TFR2: variants seen among roughly 807,000 people sequenced by gnomAD.
The protein encoded by TFR2 is transferrin receptor protein 2.
Under a neutral mutation model 91.9 loss-of-function variants are expected in TFR2, and 64 were observed. The ratio of observed to expected loss-of-function variants is 0.70; its 90% CI spans 0.57 to 0.86. TFR2 has a LOEUF of 0.86. TFR2 is among the 40% of genes least tolerant of loss of function. The pLI is 0.00. For synonymous variants in TFR2, 454 were observed against 459.6 expected (o/e 0.99, Z 0.15); for missense variants, 950 against 1,080.5 (o/e 0.88, Z 1.69).
chr7:100,629,117 T>C, intron 10 of TFR2, 136 bp downstream of exon 10: 1 of 1,182,366 alleles, frequency 8.5e-7, no homozygotes, highest in Non-Finnish European at 1.2e-6. Flanking sequence ...CCAGGGCCAC[T>C]CAGGTACAAT....
intron 17 of TFR2, among the ~76,000 whole-genome samples, chr7:100,624,721 G>A (rs1322735378): frequency 6.6e-6 from 1 of 151,992 alleles, no homozygotes; most frequent in African/African-American, 2.4e-5. Flanking sequence ...TTAAAAATTA[G>A]CGGAGTGTGG....
chr7:100,639,804 A>C (rs1220958951), intron 3 of TFR2: 2 of 67,430 alleles, frequency 3.0e-5, no homozygotes, highest in Non-Finnish European at 5.8e-5. Context: ...TTTTTTTTTG[A>C]GATGGAGTCT....
At chr7:100,625,472 C>A (rs1266385710) in intron 17 of TFR2, among the ~76,000 whole-genome samples, 2 of 152,224 alleles carry the variant, frequency 1.3e-5, no homozygotes, top group African/African-American at 4.8e-5. Flanking sequence ...TGAGGTTAAA[C>A]CAAGATCTGT....
At chr7:100,638,321 C>T (rs977283682) in intron 3 of TFR2, among the ~76,000 whole-genome samples, 9 of 150,846 alleles carry the variant, frequency 6.0e-5, no homozygotes, top group Non-Finnish European at 1.0e-4. Flanking sequence ...AATTTAAAAG[C>T]CCTGAGCAGG....
chr7:100,633,645 G>A, intron 3 of TFR2, 89 bp from the exon 4 acceptor site: 1 of 1,486,730 alleles, frequency 6.7e-7, no homozygotes, highest in Non-Finnish European at 8.9e-7. Context: ...GTCGCCAGGG[G>A]CAGGGGCGGC....
Position 100,627,501 on chromosome 7 carries a change from C to A in TFR2, c.1768-10G>T. The A allele has an allele frequency of 6.2e-7, 1 of 1,613,044 alleles. No individual in the cohort carries two copies. The highest frequency in any genetic ancestry group is 8.5e-7 in the Non-Finnish European group (1 of 1,179,518). ...GGTAGGCCTGGTCGTCCTGCCAGGA[C>A]AGGGTGGACGCTGGGGCGGAGGCAG... On this transcript the variant is annotated splice_polypyrimidine_tract_variant and intron_variant, in intron 15 of 17. Transcript: ENST00000223051.
chr7:100,640,994 G>A lies in TFR2; in HGVS notation c.268C>T (p.Leu90=). 6.2e-7 allele frequency: 1 copy of A among 1,608,058 alleles called. No homozygotes were observed. ...CTCTCACCCCCAGTGAAGATCAGCA[G>A]GGCCGTCAGGACCAGGTAGGGGGCA... The part of the protein sequence containing the change: ...RAAPYLVLTA[L]LIFTGAFLLG... The change falls in exon 2 of 18, where the codon CTG becomes TTG. Residue 90 remains leucine (L), a synonymous_variant. Coordinates refer to ENST00000223051, the MANE Select transcript of TFR2 (RefSeq NM_003227.4).
At chr7:100,631,481 G>T in intron 8 of TFR2, 1 of 313,902 alleles carries the variant, frequency 3.2e-6, no homozygotes, top group South Asian at 2.8e-5. Context: ...AAATTAGCCG[G>T]GCGTGGTGGG....
chr7:100,638,564 A>G (rs977335707), intron 3 of TFR2, among the ~76,000 whole-genome samples: 2 of 151,734 alleles, frequency 1.3e-5, no homozygotes, highest in Non-Finnish European at 2.9e-5. Flanking sequence ...AGTCTGCCCA[A>G]CATGGTGAAA....
intron 3 of TFR2, among the ~76,000 whole-genome samples, chr7:100,636,062 C>A (rs1166563482): frequency 6.6e-6 from 1 of 152,082 alleles, no homozygotes; most frequent in East Asian, 1.9e-4. Context: ...TAGCTTAGTA[C>A]CTGCCACGTA....
chr7:100,631,155 G>A, intron 8 of TFR2, 103 bp from the exon 9 acceptor site: 1 of 1,325,022 alleles, frequency 7.5e-7, no homozygotes, highest in Non-Finnish European at 1.0e-6. Context: ...TCTGGCTCCA[G>A]ATCGCTGCCT....
intron 1 of TFR2, 39 bp from the exon 2 acceptor site, chr7:100,641,267 C>T: frequency 6.7e-7 from 1 of 1,491,994 alleles, no homozygotes. Context: ...GGGCAAGAGG[C>T]CTGGGGGGTG....
Position 100,621,044 on chromosome 7 carries a change from G to A in TFR2, c.2219C>T (p.Thr740Met), listed in dbSNP as rs150806077. The A allele has an allele frequency of 5.1e-6, 8 of 1,583,620 alleles. No homozygotes were observed. The highest frequency in any genetic ancestry group is 4.7e-5 in the East Asian group (2 of 42,906). ...CAGGTGGTCCAGCAGGGCGCCCAGC[G>A]TGTGGTCTCCACGGCCCATGAAGAT... is the stretch of plus-strand genomic sequence containing the variant. ...RHIFMGRGDH[T>M]LGALLDHLRL... The change falls in exon 18 of 18, where the codon ACG becomes ATG. Residue 740 changes from threonine (T) to methionine (M), a missense_variant. By Grantham distance (81) the Thr-to-Met change is moderately conservative. Coordinates refer to ENST00000223051, the MANE Select transcript of TFR2 (RefSeq NM_003227.4).
intron 3 of TFR2, among the ~76,000 whole-genome samples, chr7:100,634,050 G>A (rs1803525713): frequency 6.6e-6 from 1 of 151,866 alleles, no homozygotes; most frequent in Non-Finnish European, 1.5e-5. Context: ...GGGCGGCGCC[G>A]GAGACTCTCA....
At position 100,628,227 on chromosome 7, in the gene TFR2, T is replaced by C. The variant is rs1481234304; in HGVS notation, c.1470A>G (p.Leu490=). 1.3e-6 allele frequency: 2 copies of C among 1,563,394 alleles called. No homozygotes were observed. ...CCTGCCCGGGACCCCGTATCACCTC[T>C]AGCCACTCCGTGGAGCCCACGCTTC... ...DFGSVGSTEW[L]EGYLSVLHLK... The change falls in exon 11 of 18, where the codon CTA becomes CTG. Residue 490 remains leucine (L), a synonymous_variant. Transcript: ENST00000223051.
intron 17 of TFR2, among the ~76,000 whole-genome samples, chr7:100,623,002 C>T (rs1803148812): frequency 6.8e-6 from 1 of 145,986 alleles, no homozygotes; most frequent in African/African-American, 2.6e-5. Context: ...AGGCCGGGCA[C>T]AGTGGCTGAT....
chr7:100,623,857 C>T (rs1009599286), intron 17 of TFR2, among the ~76,000 whole-genome samples: 23 of 136,960 alleles, frequency 1.7e-4, no homozygotes, highest in African/African-American at 6.5e-4. Context: ...CAAGACCAGC[C>T]TGGCCAACAT....
intron 1 of TFR2, 89 bp from the exon 2 acceptor site, chr7:100,641,317 T>C (rs1186355766): frequency 1.5e-6 from 2 of 1,303,736 alleles, no homozygotes; most frequent in East Asian, 3.3e-5. Context: ...GACTTGGGGG[T>C]GTCAAATGAG....
At chr7:100,621,171 G>T (rs1272424007) in intron 17 of TFR2, 45 bp from the exon 18 acceptor site, 1 of 1,446,418 alleles carries the variant, frequency 6.9e-7, no homozygotes, top group Non-Finnish European at 9.1e-7. Context: ...GCTCTGGCTC[G>T]GGAGCAAAGG....
Sources: allele counts gnomAD v4.1 joint callset (sites outside exome capture counted in the v4.1 genomes callset), GRCh38; gene constraint gnomAD v4.1.1; transcripts MANE v1.5; gene names NCBI Gene and HGNC (gene_info 2026-07-23, HGNC 2026-07-21).